CYTH4: variants seen among roughly 807,000 people sequenced by gnomAD.
The protein encoded by CYTH4 is cytohesin 4.
CYTH4 carries 22 observed loss-of-function variants against 57.5 expected under a neutral mutation model. The ratio of observed to expected loss-of-function variants is 0.38; its 90% CI spans 0.27 to 0.55. The LOEUF (loss-of-function observed/expected upper bound fraction) is 0.55, where lower values mean the gene tolerates loss of function less well. CYTH4 is among the 20% of genes least tolerant of loss of function. CYTH4 has a pLI of 0.74. For missense variants in CYTH4, 420 were observed against 535.6 expected (o/e 0.78, Z 2.13); for synonymous variants, 186 against 206.5 (o/e 0.90, Z 0.85).
At chr22:37,292,827 C>A in intron 2 of CYTH4, 124 bp downstream of exon 2, 1 of 898,808 alleles carries the variant, frequency 1.1e-6, no homozygotes, top group Non-Finnish European at 1.7e-6. Flanking sequence ...CTCATATCAG[C>A]CTCGGCCCCA....
chr22:37,300,736 C>T (rs1471883595), intron 6 of CYTH4, 171 bp from the exon 7 acceptor site: 89 of 611,468 alleles, frequency 1.5e-4, no homozygotes, highest in Admixed American at 1.3e-3. Flanking sequence ...CTACCTCCCG[C>T]GTGCTTGGGG....
intron 1 of CYTH4, among the ~76,000 whole-genome samples, chr22:37,283,616 T>A: frequency 6.6e-6 from 1 of 150,506 alleles, no homozygotes; most frequent in East Asian, 2.0e-4. Flanking sequence ...GAACCACTGA[T>A]CCATTTCAAC....
In CYTH4 at chr22:37,312,113, G is replaced by A. The variant is rs749693397; in HGVS notation, c.1051G>A (p.Glu351Lys). 7.8e-5 allele frequency: 126 copies of A among 1,614,118 alleles called. 1 individual carries two copies. The Admixed American group carries it at 1.6e-3, about 20-fold the overall frequency. The part of the protein sequence containing the change: ...GDGRVVEGKH[E>K]SYRISATSAE... ...CGGCAGGGTGGTGGAGGGCAAGCAC[G>A]AATCGTACCGCATCTCAGCCACCAG... Residue 351 changes from glutamate to lysine, a missense_variant, in exon 12 of 13, where the codon GAA becomes AAA. Physicochemically the swap from Glu to Lys is moderately conservative, Grantham distance 56. Transcript: ENST00000248901.
At chr22:37,283,130 C>T (rs1021319598) in intron 1 of CYTH4, among the ~76,000 whole-genome samples, 2 of 152,144 alleles carry the variant, frequency 1.3e-5, no homozygotes, top group Non-Finnish European at 2.9e-5. Context: ...GGCCTTGAGG[C>T]CCCTTTTTGG....
chr22:37,286,082 C>T (rs1215030937), intron 1 of CYTH4, among the ~76,000 whole-genome samples: 2 of 140,808 alleles, frequency 1.4e-5, no homozygotes, highest in African/African-American at 5.2e-5. Flanking sequence ...TTCCCCAGCT[C>T]TGCAAAGTTG....
At chr22:37,292,426 A>G in intron 1 of CYTH4, 195 bp from the exon 2 acceptor site, 2 of 562,636 alleles carry the variant, frequency 3.6e-6, no homozygotes, top group Non-Finnish European at 6.4e-6. Flanking sequence ...GGTGGGAGAA[A>G]CAGGAAGCAG....
At chr22:37,285,582 G>A (rs1448249411) in intron 1 of CYTH4, among the ~76,000 whole-genome samples, 2 of 151,778 alleles carry the variant, frequency 1.3e-5, no homozygotes, top group Non-Finnish European at 1.5e-5. Context: ...CTGGTGGTGG[G>A]CGCCTGTAAT....
intron 7 of CYTH4, among the ~76,000 whole-genome samples, chr22:37,302,305 T>C (rs1929212448): frequency 6.6e-6 from 1 of 152,206 alleles, no homozygotes; most frequent in South Asian, 2.1e-4. Context: ...TAAATAGTTG[T>C]AGGTAGGAAA....
At chr22:37,304,172 G>T (rs1433720249) in intron 8 of CYTH4, 3 of 456,618 alleles carry the variant, frequency 6.6e-6, no homozygotes, top group Non-Finnish European at 1.3e-5. Context: ...GGCCTTGAAG[G>T]TTACATGGGA....
intron 7 of CYTH4, among the ~76,000 whole-genome samples, chr22:37,301,495 C>T (rs1423119405): frequency 2.0e-5 from 3 of 151,944 alleles, no homozygotes; most frequent in Admixed American, 6.6e-5. Context: ...ACATAAAGGT[C>T]AGTCCTCCAT....
At chr22:37,297,421 G>T (rs1371477688) in intron 4 of CYTH4, 143 bp from the exon 5 acceptor site, 1 of 618,712 alleles carries the variant, frequency 1.6e-6, no homozygotes, top group African/African-American at 1.8e-5. Flanking sequence ...ATGAAAGAGG[G>T]GTCAAAACTT....
intron 2 of CYTH4, among the ~76,000 whole-genome samples, chr22:37,294,370 A>G (rs1383645187): frequency 6.6e-6 from 1 of 151,888 alleles, no homozygotes; most frequent in African/African-American, 2.4e-5. Context: ...AGGTTGGAAA[A>G]AGGATGGGCA....
chr22:37,312,939 G>A (rs1038600913), intron 12 of CYTH4, among the ~76,000 whole-genome samples: 4 of 152,234 alleles, frequency 2.6e-5, no homozygotes, highest in Admixed American at 6.5e-5. Flanking sequence ...GCCGTGTCCC[G>A]GGGACTTGCA....
chr22:37,288,122 A>C (rs1005945185), intron 1 of CYTH4, among the ~76,000 whole-genome samples: 3 of 152,196 alleles, frequency 2.0e-5, no homozygotes, highest in Admixed American at 2.0e-4. Context: ...TCTATTAAAA[A>C]TACAGAAATT....
chr22:37,295,848 C>G lies in CYTH4; in HGVS notation c.168-151C>G. 1.3e-6 allele frequency: 1 copy of G among 753,068 alleles called. No individual in the cohort carries two copies. Among genetic ancestry groups the G allele is most frequent in the East Asian group, 2.7e-5 (1 of 36,918 alleles). The allele number at this position is 753,068 out of a possible 1,614,324, so 46.6% of individuals were successfully genotyped here. ...GGAGCCAGGCCTTGCACTGCTCTCT[C>G]CCGCCCAGGTGGTTCCCATGCAGGA... On this transcript the variant is annotated intron_variant, in intron 3 of 12. Coordinates refer to ENST00000248901, the MANE Select transcript of CYTH4 (RefSeq NM_013385.5). This position sits in a 1 kb window ranked among gnomAD's most constrained non-coding sequence, Gnocchi z 4.1.
chr22:37,303,606 C>T (rs1032012756), intron 8 of CYTH4, among the ~76,000 whole-genome samples: 1 of 152,182 alleles, frequency 6.6e-6, no homozygotes, highest in Non-Finnish European at 1.5e-5. Flanking sequence ...CAAAAGAGGC[C>T]CCCATCTTGA....
chr22:37,294,545 A>T, intron 2 of CYTH4, 115 bp from the exon 3 acceptor site: 1 of 1,126,594 alleles, frequency 8.9e-7, no homozygotes, highest in Non-Finnish European at 1.3e-6. Flanking sequence ...GGTCAGGGAG[A>T]GGGGCCAGGT....
At position 37,297,606 on chromosome 22, in the gene CYTH4, G is replaced by A. The variant is rs374170840; in HGVS notation, c.277G>A (p.Val93Ile). Residue 93 changes from valine (V) to isoleucine (I), a missense_variant, in exon 5 of 13, where the codon GTC becomes ATC. Coordinates refer to ENST00000248901, the MANE Select transcript of CYTH4 (RefSeq NM_013385.5). ...FIEHKLLTPD[V>I]QDIARFLYKG... is the part of the protein sequence containing the mutation. ...TGAGCACAAGCTGCTGACCCCTGACGTCCAGGACATTGCACGGTTCCTGTA... is the reference window on the plus strand; with the variant it reads ...TGAGCACAAGCTGCTGACCCCTGACATCCAGGACATTGCACGGTTCCTGTA... 1.5e-5 allele frequency: 24 copies of A among 1,613,784 alleles called. No individual in the cohort carries two copies. Among genetic ancestry groups the A allele is most frequent in the South Asian group, 6.6e-5 (6 of 91,070 alleles).
intron 8 of CYTH4, among the ~76,000 whole-genome samples, chr22:37,307,902 G>A (rs936319600): frequency 2.6e-5 from 4 of 152,178 alleles, no homozygotes; most frequent in African/African-American, 9.7e-5. Context: ...GCCACACCTT[G>A]CCCACAGGGA....
Sources: allele counts gnomAD v4.1 joint callset (sites outside exome capture counted in the v4.1 genomes callset), GRCh38; gene constraint gnomAD v4.1.1; non-coding constraint Gnocchi (gnomAD v3.1); transcripts MANE v1.5; gene names NCBI Gene and HGNC (gene_info 2026-07-23, HGNC 2026-07-21).